CLSTN2: variants seen among roughly 807,000 people sequenced by gnomAD.
The protein encoded by CLSTN2 is calsyntenin-2.
CLSTN2 carries 48 observed loss-of-function variants against 101.2 expected under a neutral mutation model. The ratio of observed to expected loss-of-function variants is 0.47; its 90% confidence interval spans 0.38 to 0.60. The LOEUF is 0.60. Among genes scored for constraint, CLSTN2 ranks in the 20% least tolerant of loss-of-function variants. The pLI, the probability that CLSTN2 is intolerant of heterozygous loss-of-function variation, is 0.00. For missense variants in CLSTN2, 1,160 were observed against 1,238.2 expected (o/e 0.94, Z 0.95); for synonymous variants, 481 against 463.6 (o/e 1.04, Z -0.48).
chr3:140,161,122 A>T (rs2010040228), intron 1 of CLSTN2, among the ~76,000 whole-genome samples: 1 of 152,112 alleles, frequency 6.6e-6, no homozygotes, highest in Non-Finnish European at 1.5e-5. Context: ...TTAGGGATTG[A>T]GAGACTCCTC....
In CLSTN2 at chr3:140,568,317, A is replaced by T. The variant is rs1225348410; in HGVS notation, c.*2064A>T. 2 of 152,216 alleles carry T rather than the reference A, an allele frequency of 1.3e-5. No homozygotes were observed. Among genetic ancestry groups the T allele is most frequent in the African/African-American group, 4.8e-5 (2 of 41,458 alleles). 9.4% of individuals were successfully genotyped at this position (152,216 alleles called of 1,614,324 possible). On this transcript the variant is annotated 3_prime_UTR_variant, in exon 17 of 17. Coordinates refer to ENST00000458420, the MANE Select transcript of CLSTN2 (RefSeq NM_022131.3). Reference sequence around the variant, plus strand: ...CAGGCCTAGAAATTACACAAGAGACAAATGAAGAGGAAGAGAAGTCACAAG... The same window carrying T: ...CAGGCCTAGAAATTACACAAGAGACTAATGAAGAGGAAGAGAAGTCACAAG...
intron 2 of CLSTN2, among the ~76,000 whole-genome samples, chr3:140,230,013 A>G (rs184918463): frequency 8.5e-5 from 13 of 152,232 alleles, no homozygotes; most frequent in Admixed American, 2.0e-4. Flanking sequence ...TTGCATTCAC[A>G]TCTGTCTTCT....
intron 1 of CLSTN2, among the ~76,000 whole-genome samples, chr3:139,961,814 A>G (rs1461353168): frequency 6.6e-6 from 1 of 152,088 alleles, no homozygotes; most frequent in Non-Finnish European, 1.5e-5. Flanking sequence ...ATGAATGATA[A>G]CCCCCATTAC....
chr3:140,254,047 T>C (rs1049705471), intron 2 of CLSTN2, among the ~76,000 whole-genome samples: 1 of 152,146 alleles, frequency 6.6e-6, no homozygotes, highest in South Asian at 2.1e-4. Context: ...CCTAATTTGG[T>C]CATATTTCTC....
At chr3:140,267,084 C>G (rs952065635) in intron 2 of CLSTN2, among the ~76,000 whole-genome samples, 1 of 152,128 alleles carries the variant, frequency 6.6e-6, no homozygotes, top group African/African-American at 2.4e-5. Context: ...CCAGGTCTAC[C>G]TGGGAATCCT....
At position 139,997,121 on chromosome 3, in the gene CLSTN2, A is replaced by T. The variant is rs75076519; in HGVS notation, c.109+61638A>T. 1.1e-4 allele frequency among the ~76,000 whole-genome samples: 17 copies of T among 151,622 alleles called. No homozygotes were observed. In the East Asian group the frequency reaches 3.3e-3, roughly 29 times the overall value. On this transcript the variant is annotated intron_variant, in intron 1 of 16. Coordinates refer to ENST00000458420, the MANE Select transcript of CLSTN2 (RefSeq NM_022131.3). Reference sequence around the variant, plus strand: ...CTGATTTTTCTATTGCATTGTTTGCATTTTAAAAAATAGTTTTCATAGGTG... The same window carrying T: ...CTGATTTTTCTATTGCATTGTTTGCTTTTTAAAAAATAGTTTTCATAGGTG...
intron 2 of CLSTN2, among the ~76,000 whole-genome samples, chr3:140,399,744 C>T (rs2088220187): frequency 6.6e-6 from 1 of 151,938 alleles, no homozygotes; most frequent in Admixed American, 6.6e-5. Context: ...TCCGTGGGTG[C>T]ATATTCAGGT....
chr3:140,512,643 C>T (rs924117121), intron 8 of CLSTN2, among the ~76,000 whole-genome samples: 9 of 150,998 alleles, frequency 6.0e-5, no homozygotes, highest in South Asian at 2.1e-4. Context: ...TTTCTAATTT[C>T]GTGAAGAATG....
At chr3:140,344,660 G>T (rs2087525154) in intron 2 of CLSTN2, among the ~76,000 whole-genome samples, 1 of 152,118 alleles carries the variant, frequency 6.6e-6, no homozygotes, top group South Asian at 2.1e-4. Flanking sequence ...CTCCCCTGGG[G>T]TACCTTCCCT....
chr3:140,401,684 G>T (rs558589592), intron 2 of CLSTN2, among the ~76,000 whole-genome samples: 48 of 152,292 alleles, frequency 3.2e-4, no homozygotes, highest in African/African-American at 1.1e-3. Context: ...CATGGCAGTG[G>T]TTGGGCACTC....
chr3:140,342,001 C>T (rs1465713089), intron 2 of CLSTN2, among the ~76,000 whole-genome samples: 2 of 152,094 alleles, frequency 1.3e-5, no homozygotes, highest in Non-Finnish European at 2.9e-5. Context: ...GGGTAGACAA[C>T]CTGCTTCACT....
At chr3:140,459,960 C>G (rs1933520505) in intron 7 of CLSTN2, among the ~76,000 whole-genome samples, 191 bp downstream of exon 7, 1 of 152,124 alleles carries the variant, frequency 6.6e-6, no homozygotes, top group Admixed American at 6.5e-5. Flanking sequence ...TGACGTAGAG[C>G]AGGAGCAGAA....
chr3:140,123,169 G>T (rs2009371753), intron 1 of CLSTN2, among the ~76,000 whole-genome samples: 2 of 125,854 alleles, frequency 1.6e-5, no homozygotes, highest in Non-Finnish European at 1.6e-5. Context: ...TCCAGGGCGG[G>T]GGGGTGGGGG....
At chr3:140,260,095 C>T (rs1288787472) in intron 2 of CLSTN2, among the ~76,000 whole-genome samples, 1 of 150,250 alleles carries the variant, frequency 6.7e-6, no homozygotes, top group African/African-American at 2.4e-5. Flanking sequence ...AACAAACCTG[C>T]CCATGTACCC....
At chr3:140,521,127 C>A (rs1349216600) in intron 8 of CLSTN2, among the ~76,000 whole-genome samples, 1 of 150,914 alleles carries the variant, frequency 6.6e-6, no homozygotes, top group Non-Finnish European at 1.5e-5. Context: ...CCTTCTGATG[C>A]CTACTTCTAT....
intron 8 of CLSTN2, among the ~76,000 whole-genome samples, chr3:140,483,700 G>C (rs1003078622): frequency 6.6e-5 from 10 of 151,966 alleles, no homozygotes; most frequent in African/African-American, 1.9e-4. Context: ...TTATGTAATG[G>C]CCTTCTTTGT....
At chr3:140,174,890 G>A (rs9818712) in intron 1 of CLSTN2, among the ~76,000 whole-genome samples, 1 of 151,998 alleles carries the variant, frequency 6.6e-6, no homozygotes, top group Non-Finnish European at 1.5e-5. Flanking sequence ...ATTGTCTCAC[G>A]TTTATGGATG....
chr3:140,485,528 T>G (rs1934219895), intron 8 of CLSTN2, among the ~76,000 whole-genome samples: 1 of 152,196 alleles, frequency 6.6e-6, no homozygotes, highest in Admixed American at 6.5e-5. Context: ...TGCTGCCTTT[T>G]GTTTGGCTAT....
intron 1 of CLSTN2, among the ~76,000 whole-genome samples, chr3:139,991,856 G>C (rs1478269624): frequency 6.6e-6 from 1 of 152,134 alleles, no homozygotes; most frequent in African/African-American, 2.4e-5. Context: ...CTGTCTCTCA[G>C]GTTTGCTTTC....
Sources: gnomAD v4.1 joint callset for allele counts (sites outside exome capture counted in the v4.1 genomes callset) on GRCh38, gnomAD v4.1.1 for gene constraint, MANE v1.5 for transcripts, NCBI Gene and HGNC (gene_info 2026-07-23, HGNC 2026-07-21) for gene names.